SH3PXD2B: variants seen among roughly 807,000 people sequenced by gnomAD.
SH3PXD2B encodes the protein SH3 and PX domain-containing protein 2B.
SH3PXD2B carries 37 observed loss-of-function variants against 73.1 expected under a neutral mutation model. That is an observed-to-expected ratio of 0.51 (90% CI 0.39 to 0.67). SH3PXD2B has a LOEUF of 0.67. Ranked by LOEUF, SH3PXD2B falls within the 30% of genes least tolerant of loss-of-function variation. The probability of loss-of-function intolerance (pLI) is 0.00; values close to 1 mark genes in which losing one functional copy is unlikely to be tolerated. For missense variants in SH3PXD2B, 1,053 were observed against 1,197.8 expected (o/e 0.88, Z 1.78); for synonymous variants, 457 against 480.5 (o/e 0.95, Z 0.64).
At chr5:172,360,419 G>A (rs1258958507) in intron 7 of SH3PXD2B, among the ~76,000 whole-genome samples, 1 of 152,190 alleles carries the variant, frequency 6.6e-6, no homozygotes, top group African/African-American at 2.4e-5. Context: ...TTCAAACCAA[G>A]GCGGTCTCTG....
At position 172,445,787 on chromosome 5, in the gene SH3PXD2B, C is replaced by T. The variant is rs192356993; in HGVS notation, c.75+8491G>A. Among the ~76,000 whole-genome samples the T allele has an allele frequency of 6.6e-6, 1 of 152,336 alleles. No homozygotes were observed. Among genetic ancestry groups the T allele is most frequent in the African/African-American group, 2.4e-5 (1 of 41,568 alleles). ...CAGGCAGGTGAGCTCTGCCCACAGC[C>T]CCTCCTCCCTTTACCACCTGAAGAA... is the stretch of plus-strand genomic sequence containing the variant. On this transcript the variant is annotated intron_variant, in intron 1 of 12. Transcript: ENST00000311601. The surrounding 1 kb of genome is among the most constrained non-coding windows in gnomAD (Gnocchi z 5.2).
downstream of SH3PXD2B, among the ~76,000 whole-genome samples, chr5:172,329,083 A>ATATATTTT (rs58472514): frequency 7.1e-4 from 44 of 61,806 alleles, no homozygotes; most frequent in African/African-American, 1.3e-3. Context: ...ATATATATAT[A>ATATATTTT]TTTTTTTTTT....
intron 1 of SH3PXD2B, among the ~76,000 whole-genome samples, chr5:172,453,231 C>T (rs1759841061): frequency 6.6e-6 from 1 of 152,034 alleles, no homozygotes; most frequent in Non-Finnish European, 1.5e-5. Context: ...GATTTTTTCC[C>T]TCCCTCTTAC....
At chr5:172,416,331 C>CTTTT (rs200998117) in intron 2 of SH3PXD2B, among the ~76,000 whole-genome samples, 1 of 143,330 alleles carries the variant, frequency 7.0e-6, no homozygotes, top group Non-Finnish European at 1.5e-5. Flanking sequence ...CCTGTCTCTA[C>CTTTT]TTTTTTTTTT....
chr5:172,416,359 G>A (rs920608907), intron 2 of SH3PXD2B, among the ~76,000 whole-genome samples: 14 of 148,596 alleles, frequency 9.4e-5, no homozygotes, highest in African/African-American at 3.3e-4. Flanking sequence ...ACGGAGTTTC[G>A]CTCTTGTTGC....
rs542816618 is a variant in SH3PXD2B, at chr5:172,419,059, A to T, written c.156+3357T>A. Reference sequence around the variant, plus strand: ...TCCGCTTAACCAGCACAATAAATGCACGAGGAAGGCACTTTCATTCCTACT... The same window carrying T: ...TCCGCTTAACCAGCACAATAAATGCTCGAGGAAGGCACTTTCATTCCTACT... On this transcript the variant is annotated intron_variant, in intron 2 of 12. Transcript: ENST00000311601. Among the ~76,000 whole-genome samples, 198 of 152,310 alleles carry T rather than the reference A, an allele frequency of 1.3e-3. 1 individual carries two copies. Among genetic ancestry groups the T allele is most frequent in the African/African-American group, 4.6e-3 (190 of 41,576 alleles).
intron 6 of SH3PXD2B, among the ~76,000 whole-genome samples, chr5:172,363,776 C>T (rs1050868659): frequency 1.3e-5 from 2 of 152,044 alleles, no homozygotes; most frequent in African/African-American, 2.4e-5. Flanking sequence ...TGGGTCAGAT[C>T]AGGCAGGGCC....
chr5:172,374,468 G>A (rs1757778782), intron 5 of SH3PXD2B, among the ~76,000 whole-genome samples: 1 of 152,228 alleles, frequency 6.6e-6, no homozygotes, highest in Non-Finnish European at 1.5e-5. Flanking sequence ...GATCACCTGA[G>A]GTCAGGAGTT....
intron 2 of SH3PXD2B, among the ~76,000 whole-genome samples, chr5:172,419,657 C>T (rs770623807): frequency 6.6e-5 from 10 of 152,254 alleles, no homozygotes; most frequent in East Asian, 5.8e-4. Context: ...CTGGCCCCTG[C>T]GAGGCTGGCT....
chr5:172,406,465 C>T (rs1421580841), intron 2 of SH3PXD2B, 113 bp from the exon 3 acceptor site: 1 of 1,223,914 alleles, frequency 8.2e-7, no homozygotes, highest in Non-Finnish European at 1.2e-6. Flanking sequence ...TAAAAGTTCA[C>T]TGCGTTCAGC....
At chr5:172,394,487 C>T in intron 4 of SH3PXD2B, 76 bp downstream of exon 4, 1 of 1,459,334 alleles carries the variant, frequency 6.9e-7, no homozygotes, top group Non-Finnish European at 9.5e-7. Context: ...TATTGTTGAG[C>T]ATCTTGTAGC....
Position 172,410,385 on chromosome 5 carries a change from T to C in SH3PXD2B, c.157-4033A>G, listed in dbSNP as rs868209010. Among the ~76,000 whole-genome samples the C allele has an allele frequency of 4.4e-4, 67 of 152,304 alleles. 1 individual carries two copies. Among genetic ancestry groups the C allele is most frequent in the Middle Eastern group, 6.8e-3 (2 of 294 alleles). On this transcript the variant is annotated intron_variant, in intron 2 of 12. Coordinates refer to ENST00000311601, the MANE Select transcript of SH3PXD2B (RefSeq NM_001017995.3). ...GGTGAGGTGGAAATGCTTGGTCCAC[T>C]GTCATTCAGAGACAGGTGAGGCCAC... is the stretch of plus-strand genomic sequence containing the variant.
At chr5:172,429,024 C>A (rs1170853645) in intron 1 of SH3PXD2B, among the ~76,000 whole-genome samples, 1 of 152,210 alleles carries the variant, frequency 6.6e-6, no homozygotes, top group Admixed American at 6.5e-5. Flanking sequence ...TGAAATTGCT[C>A]AAGTGTCTGA....
At chr5:172,439,689 C>CGT (rs1290872583) in intron 1 of SH3PXD2B, among the ~76,000 whole-genome samples, 1,293 of 121,120 alleles carry the variant, frequency 0.011, 14 homozygotes, top group East Asian at 0.063. Context: ...CGCGCACGCG[C>CGT]GCGCACACAC....
intron 6 of SH3PXD2B, among the ~76,000 whole-genome samples, chr5:172,365,110 G>A (rs1021413137): frequency 6.6e-6 from 1 of 152,224 alleles, no homozygotes; most frequent in African/African-American, 2.4e-5. Context: ...TTGGGCTGGG[G>A]ACAACCCTGC....
rs903880785 is a variant in SH3PXD2B at position 172,366,799 on chromosome 5, AT to A, written c.428-3931del. 1.2e-4 allele frequency among the ~76,000 whole-genome samples: 18 copies of A among 151,244 alleles called. No homozygotes were observed. In the Middle Eastern group the frequency reaches 0.017, roughly 143 times the overall value. ...AGGCACATGCCACCACACCTGGCTA[AT>A]TTTTTTGTATTTTAGTAGAGATGGG... On this transcript the variant is annotated intron_variant, in intron 6 of 12. Coordinates refer to ENST00000311601, the MANE Select transcript of SH3PXD2B (RefSeq NM_001017995.3).
In SH3PXD2B at chr5:172,339,508, C is replaced by T. The variant is rs1217978741; in HGVS notation, c.1597G>A (p.Glu533Lys). 5.0e-6 allele frequency: 8 copies of T among 1,613,950 alleles called. No individual in the cohort carries two copies. Among genetic ancestry groups the T allele is most frequent in the Non-Finnish European group, 5.9e-6 (7 of 1,179,994 alleles). The change falls in exon 13 of 13, where the codon GAG (glutamate) becomes AAG (lysine). Residue 533 changes from glutamate to lysine, a missense_variant. Physicochemically the swap from Glu to Lys is moderately conservative, Grantham distance 56. Coordinates refer to ENST00000311601, the MANE Select transcript of SH3PXD2B (RefSeq NM_001017995.3). The surrounding 1 kb of genome is among the most constrained non-coding windows in gnomAD (Gnocchi z 6.1). ...CGCTCCCGCTCCAGCAGCTCCCCCT[C>T]CGACTTGATGATGGATTCTTTCCGC... ...PPRKESIIKS[E>K]GELLERERER...
chr5:172,434,436 TAGAA>T (rs1301613009), intron 1 of SH3PXD2B, among the ~76,000 whole-genome samples: 2 of 152,130 alleles, frequency 1.3e-5, no homozygotes, highest in East Asian at 1.9e-4. Flanking sequence ...CTGTAGCTCT[TAGAA>T]AGGCCCCAGA....
chr5:172,450,045 C>T (rs1356736532), intron 1 of SH3PXD2B, among the ~76,000 whole-genome samples: 1 of 152,074 alleles, frequency 6.6e-6, no homozygotes, highest in African/African-American at 2.4e-5. Flanking sequence ...GGTCCATGGG[C>T]TGTGGTGGGA....
Sources: allele counts gnomAD v4.1 joint callset (sites outside exome capture counted in the v4.1 genomes callset), GRCh38; gene constraint gnomAD v4.1.1; non-coding constraint Gnocchi (gnomAD v3.1); transcripts MANE v1.5; gene names NCBI Gene and HGNC (gene_info 2026-07-23, HGNC 2026-07-21).